The following C2CD3 variants were observed in gnomAD, a reference collection of about 807,000 sequenced individuals.
C2CD3 encodes C2 domain containing 3 centriole elongation regulator, also known as C2 domain-containing protein 3.
In C2CD3, 148 loss-of-function variants were observed where a neutral mutation model predicts 234.0. The ratio of observed to expected loss-of-function variants is 0.63; its 90% CI spans 0.55 to 0.72. The LOEUF is 0.72. C2CD3 is among the 30% of genes least tolerant of loss of function. The pLI is 0.00. For missense variants in C2CD3, 2,577 were observed against 2,811.5 expected (o/e 0.92, Z 1.89); for synonymous variants, 1,000 against 1,035.4 (o/e 0.97, Z 0.66).
intron 7 of C2CD3, among the ~76,000 whole-genome samples, chr11:74,123,884 G>A (rs1957311004): frequency 6.6e-6 from 1 of 151,834 alleles, no homozygotes; most frequent in Non-Finnish European, 1.5e-5. Context: ...GATTATAGGT[G>A]CCTGCCACCA....
intron 32 of C2CD3, among the ~76,000 whole-genome samples, chr11:74,027,620 C>T (rs1952356963): frequency 2.0e-5 from 3 of 152,124 alleles, no homozygotes; most frequent in South Asian, 2.1e-4. Flanking sequence ...TTATTTTTTG[C>T]TCATTATTTG....
intron 3 of C2CD3, among the ~76,000 whole-genome samples, chr11:74,157,581 G>C (rs1856118697): frequency 6.6e-6 from 1 of 151,910 alleles, no homozygotes; most frequent in African/African-American, 2.4e-5. Context: ...AAAATTATAT[G>C]CTTATGATTT....
At chr11:74,161,283 G>A (rs1856447276) in intron 3 of C2CD3, 116 bp downstream of exon 3, 2 of 548,140 alleles carry the variant, frequency 3.6e-6, no homozygotes, top group African/African-American at 2.0e-5. Flanking sequence ...AAAGGCATGA[G>A]GTGGAAATTA....
intron 32 of C2CD3, among the ~76,000 whole-genome samples, chr11:74,018,721 A>C (rs772608644): frequency 4.6e-5 from 7 of 152,148 alleles, no homozygotes; most frequent in Non-Finnish European, 1.0e-4. Context: ...CAGCAGCCAC[A>C]AGTAGGAGCA....
In C2CD3 at chr11:74,161,503, C is replaced by T; in HGVS notation, c.379G>A (p.Gly127Ser). Residue 127 changes from glycine to serine, a missense_variant, in exon 3 of 33, where the codon GGT becomes AGT. Physicochemically the swap from Gly to Ser is moderately conservative, Grantham distance 56. Coordinates refer to ENST00000334126, the MANE Select transcript of C2CD3 (RefSeq NM_001286577.2). ...VITKLDGLPI[G>S]RVQINGLAQL... ...GCTAGTCCATTGATCTGAACTCTAC[C>T]AATTGGAAGACCATCAAGTTTGGTG... is the stretch of plus-strand genomic sequence containing the variant. The T allele has an allele frequency of 6.3e-7, 1 of 1,595,434 alleles. No homozygotes were observed. The highest frequency in any genetic ancestry group is 2.3e-5 in the East Asian group (1 of 43,658).
At chr11:74,054,331 A>G (rs1349683491) in intron 26 of C2CD3, among the ~76,000 whole-genome samples, 1 of 151,374 alleles carries the variant, frequency 6.6e-6, no homozygotes, top group African/African-American at 2.4e-5. Flanking sequence ...GGTCCCCGCT[A>G]CTCAGGAGAC....
chr11:74,132,896 AAAATGTATTCTC>A lies in C2CD3; in HGVS notation c.1153_1164del (p.Glu385_Phe388del), dbSNP rs1458616358. The A allele has an allele frequency of 6.2e-7, 1 of 1,613,906 alleles. No individual in the cohort carries two copies. ...GTATCAGCTTTTGTGTCATGTCTCC[AAAATGTATTCTC>A]AGTTGAAGGGAGGAGGTGATCTTCA... On this transcript the variant is annotated inframe_deletion, in exon 7 of 33. Coordinates refer to ENST00000334126, the MANE Select transcript of C2CD3 (RefSeq NM_001286577.2).
At chr11:74,170,713 C>T (rs1290139954) in intron 1 of C2CD3, 25 bp downstream of exon 1, 1 of 1,614,134 alleles carries the variant, frequency 6.2e-7, no homozygotes, top group East Asian at 2.2e-5. Flanking sequence ...TTACGCTTTC[C>T]TCAATCTTTG....
chr11:74,040,608 T>C (rs894649608), intron 29 of C2CD3, among the ~76,000 whole-genome samples: 2 of 152,054 alleles, frequency 1.3e-5, no homozygotes, highest in Non-Finnish European at 2.9e-5. Flanking sequence ...TACAAAAAAC[T>C]AGCTGGGTGT....
intron 3 of C2CD3, among the ~76,000 whole-genome samples, chr11:74,150,708 A>C (rs1206628057): frequency 1.3e-5 from 2 of 151,926 alleles, no homozygotes; most frequent in South Asian, 4.2e-4. Flanking sequence ...ATATCATGCC[A>C]TTTCTGTAAA....
chr11:74,041,930 G>T (rs546136986), intron 29 of C2CD3, 124 bp downstream of exon 29: 2 of 874,632 alleles, frequency 2.3e-6, no homozygotes, highest in African/African-American at 1.7e-5. Context: ...ACATGCAAAA[G>T]AGCCCTCTAC....
Position 74,061,838 on chromosome 11 carries a change from TAG to T in C2CD3, c.4952-4296_4952-4295del, listed in dbSNP as rs1041626424. Among the ~76,000 whole-genome samples, 5 of 151,896 alleles carry T rather than the reference TAG, an allele frequency of 3.3e-5. No homozygotes were observed. The East Asian group carries it at 9.7e-4, about 29-fold the overall frequency. ...AAAAGACACAGACTGGCAAATTGGA[TAG>T]AGTCAAGACCCTTCAGTGTGCTGTA... On this transcript the variant is annotated intron_variant, in intron 24 of 32. Transcript: ENST00000334126.
intron 11 of C2CD3, among the ~76,000 whole-genome samples, chr11:74,109,954 G>A (rs553920881): frequency 1.4e-3 from 211 of 145,638 alleles, no homozygotes; most frequent in Non-Finnish European, 2.3e-3. Flanking sequence ...AGTGGCAGAC[G>A]CCTGTAGTCC....
At chr11:74,124,620 G>T (rs548670250) in intron 7 of C2CD3, among the ~76,000 whole-genome samples, 1 of 152,190 alleles carries the variant, frequency 6.6e-6, no homozygotes, top group South Asian at 2.1e-4. Flanking sequence ...ACTCTCAAAG[G>T]TCAGAACAGC....
At chr11:74,145,108 C>G (rs1056210275) in intron 3 of C2CD3, among the ~76,000 whole-genome samples, 1 of 152,174 alleles carries the variant, frequency 6.6e-6, no homozygotes, top group Non-Finnish European at 1.5e-5. Flanking sequence ...TGGGTCAAAT[C>G]GTAGTTCTGT....
chr11:74,020,634 C>G (rs1469428478), intron 32 of C2CD3, among the ~76,000 whole-genome samples: 1 of 152,208 alleles, frequency 6.6e-6, no homozygotes, highest in Admixed American at 6.5e-5. Context: ...GTTGGAGGAA[C>G]TTAGATATAA....
At position 74,013,387 on chromosome 11, in the gene C2CD3, A is replaced by G; in HGVS notation, c.7060T>C (p.Ter2354ArgextTer42). Residue 2354 changes from the stop codon to arginine (R), a stop_lost, in exon 33 of 33, where the codon TGA (stop) becomes CGA (arginine). Coordinates refer to ENST00000334126, the MANE Select transcript of C2CD3 (RefSeq NM_001286577.2). Reference protein sequence around the residue: ...IFSSQYSQKD* With the variant: ...IFSSQYSQKDR ...TCCCCCCAGCCCCTCAGGCTGCGTC[A>G]GTCTTTCTGGGAGTACTGAGAAGAA... 9.6e-7 allele frequency: 1 copy of G among 1,038,568 alleles called. No homozygotes were observed. The highest frequency in any genetic ancestry group is 1.3e-6 in the Non-Finnish European group (1 of 768,974). 64.3% of individuals were successfully genotyped at this position (1,038,568 alleles called of 1,614,324 possible). A position where few individuals can be genotyped will look rare whatever the true frequency, so the allele number is the denominator to read the frequency against.
At chr11:74,034,305 T>C (rs1444382584) in intron 30 of C2CD3, 27 bp from the exon 31 acceptor site, 4 of 1,520,918 alleles carry the variant, frequency 2.6e-6, no homozygotes, top group South Asian at 1.2e-5. Flanking sequence ...ATCACTCTTA[T>C]TACAAGGTAG....
chr11:74,077,799 A>AATCTC (rs1565262987), intron 23 of C2CD3, among the ~76,000 whole-genome samples: 1 of 16,984 alleles, frequency 5.9e-5, no homozygotes, highest in African/African-American at 1.8e-4. Flanking sequence ...ATATATATAT[A>AATCTC]TATATATATA....
Sources: allele counts gnomAD v4.1 joint callset (sites outside exome capture counted in the v4.1 genomes callset), GRCh38; gene constraint gnomAD v4.1.1; transcripts MANE v1.5; gene names NCBI Gene and HGNC (gene_info 2026-07-23, HGNC 2026-07-21).